KCNH5: variants seen among roughly 807,000 people sequenced by gnomAD.
The protein encoded by KCNH5 is potassium voltage-gated channel subfamily H member 5.
Under a neutral mutation model 96.1 loss-of-function variants are expected in KCNH5, and 46 were observed. The ratio of observed to expected loss-of-function variants is 0.48; its 90% CI spans 0.38 to 0.61. The LOEUF (loss-of-function observed/expected upper bound fraction) is 0.61. KCNH5 is among the 20% of genes least tolerant of loss of function. The pLI is 0.00. For missense variants in KCNH5, 907 were observed against 1,225.8 expected, an observed-to-expected ratio of 0.74 and a Z score of 3.88; for synonymous variants, 439 against 449.8, an observed-to-expected ratio of 0.98 and a Z score of 0.30.
intron 8 of KCNH5, among the ~76,000 whole-genome samples, chr14:62,837,020 C>A (rs187925676): frequency 6.6e-6 from 1 of 152,130 alleles, no homozygotes; most frequent in African/African-American, 2.4e-5. Flanking sequence ...GAGACTATAA[C>A]GCCTGCCACA....
intron 7 of KCNH5, among the ~76,000 whole-genome samples, chr14:62,898,504 A>T (rs1203070954): frequency 6.6e-6 from 1 of 152,210 alleles, no homozygotes; most frequent in Non-Finnish European, 1.5e-5. Context: ...ACAGACATGA[A>T]TTTAAATGTA....
chr14:62,817,089 A>G (rs1886995551), intron 8 of KCNH5, among the ~76,000 whole-genome samples: 1 of 136,736 alleles, frequency 7.3e-6, no homozygotes, highest in Non-Finnish European at 1.5e-5. Context: ...TATATATTAT[A>G]TATTATATAT....
intron 7 of KCNH5, among the ~76,000 whole-genome samples, chr14:62,857,760 A>G (rs2140053893): frequency 6.6e-6 from 1 of 152,216 alleles, no homozygotes; most frequent in African/African-American, 2.4e-5. Flanking sequence ...TTCCCAGTCC[A>G]CTGACTCAAA....
intron 6 of KCNH5, among the ~76,000 whole-genome samples, chr14:62,960,786 T>C (rs1890191892): frequency 6.6e-6 from 1 of 152,154 alleles, no homozygotes; most frequent in Non-Finnish European, 1.5e-5. Context: ...CCAAGAGCTC[T>C]ACGGGGAAAT....
At chr14:62,911,312 T>G (rs1456481645) in intron 7 of KCNH5, among the ~76,000 whole-genome samples, 2 of 150,366 alleles carry the variant, frequency 1.3e-5, no homozygotes, top group African/African-American at 4.9e-5. Flanking sequence ...GGAGTCTTGC[T>G]CTTTTACCCA....
Position 63,001,225 on chromosome 14 carries a change from A to C in KCNH5, c.433+106T>G, listed in dbSNP as rs988117035. 3.1e-5 allele frequency: 29 copies of C among 942,914 alleles called. No individual in the cohort carries two copies. In the African/African-American group the frequency reaches 4.6e-4, roughly 15 times the overall value. 58.4% of individuals were successfully genotyped at this position (942,914 alleles called of 1,614,324 possible). On this transcript the variant is annotated intron_variant, in intron 4 of 10. Coordinates refer to ENST00000322893, the MANE Select transcript of KCNH5 (RefSeq NM_139318.5). ...CAAGCAATGAAGCAAAAGAAAGGCC[A>C]CATAGTAGAATTTTGTTTTCCAGTT... is the stretch of plus-strand genomic sequence containing the variant.
At chr14:62,785,191 C>T (rs1455019694) in intron 9 of KCNH5, among the ~76,000 whole-genome samples, 2 of 152,134 alleles carry the variant, frequency 1.3e-5, no homozygotes, top group African/African-American at 4.8e-5. Flanking sequence ...GTTTCTGGGA[C>T]TATGGTCATC....
chr14:62,899,676 C>CAA (rs371600088), intron 7 of KCNH5, among the ~76,000 whole-genome samples: 1 of 150,358 alleles, frequency 6.7e-6, no homozygotes, highest in African/African-American at 2.4e-5. Context: ...ACTAAAAATA[C>CAA]AAAAAAAATT....
At chr14:62,807,362 G>A (rs1005255223) in intron 8 of KCNH5, among the ~76,000 whole-genome samples, 1 of 152,010 alleles carries the variant, frequency 6.6e-6, no homozygotes, top group Admixed American at 6.6e-5. Context: ...TTATATAAAA[G>A]AGCTCTAATT....
At chr14:62,776,865 G>A (rs1886108371) in intron 10 of KCNH5, among the ~76,000 whole-genome samples, 1 of 152,134 alleles carries the variant, frequency 6.6e-6, no homozygotes, top group East Asian at 1.9e-4. Context: ...CCTCCTTATT[G>A]CAGCCATGGA....
At position 62,707,970 on chromosome 14, in the gene KCNH5, C is replaced by T; in HGVS notation, c.2505G>A (p.Glu835=). The change falls in exon 11 of 11, where the codon GAG becomes GAA. Residue 835 remains glutamate (E), a synonymous_variant. Transcript: ENST00000322893. ...KEDWNNVTKA[E]SMGLLSEDPK... ...GGTCCTCAGACAATAGCCCCATTGA[C>T]TCAGCTTTAGTGACATTATTCCAGT... 6.2e-7 allele frequency: 1 copy of T among 1,614,210 alleles called. No homozygotes were observed. The highest frequency in any genetic ancestry group is 8.5e-7 in the Non-Finnish European group (1 of 1,180,048).
chr14:62,911,339 C>A (rs372317152), intron 7 of KCNH5, among the ~76,000 whole-genome samples: 3 of 146,588 alleles, frequency 2.0e-5, no homozygotes, highest in Non-Finnish European at 4.5e-5. Context: ...AGTGCAGTGG[C>A]GCAATCTCGG....
At chr14:62,951,671 A>G (rs1890008188) in intron 6 of KCNH5, among the ~76,000 whole-genome samples, 1 of 152,204 alleles carries the variant, frequency 6.6e-6, no homozygotes, top group East Asian at 1.9e-4. Flanking sequence ...GTTAAGAAGG[A>G]AACAGTTGGC....
intron 10 of KCNH5, among the ~76,000 whole-genome samples, chr14:62,718,862 C>A (rs1884744366): frequency 6.6e-6 from 1 of 152,134 alleles, no homozygotes; most frequent in African/African-American, 2.4e-5. Context: ...CAATGAAATA[C>A]TATTCAGCCG....
chr14:62,997,496 C>T (rs1256579546), intron 4 of KCNH5, among the ~76,000 whole-genome samples: 1 of 152,094 alleles, frequency 6.6e-6, no homozygotes, highest in Non-Finnish European at 1.5e-5. Context: ...TTGTGAATTA[C>T]ATTTTTATAT....
At chr14:62,805,258 G>A (rs1294143897) in intron 8 of KCNH5, among the ~76,000 whole-genome samples, 5 of 152,082 alleles carry the variant, frequency 3.3e-5, no homozygotes, top group Admixed American at 1.3e-4. Flanking sequence ...AAATGAAATA[G>A]TCCAGTATTT....
chr14:62,826,408 ATGTGTGTGTGTGTGTGTGTG>A (rs71451280), intron 8 of KCNH5, among the ~76,000 whole-genome samples: 1 of 141,984 alleles, frequency 7.0e-6, no homozygotes, highest in Non-Finnish European at 1.5e-5. Flanking sequence ...GCGTGCGTGC[ATGTGTGTGTGTGTGTGTGTG>A]TGTGTGTGTG....
At chr14:63,013,747 C>CT (rs1256794964) in intron 2 of KCNH5, among the ~76,000 whole-genome samples, 6 of 151,640 alleles carry the variant, frequency 4.0e-5, no homozygotes, top group East Asian at 3.9e-4. Flanking sequence ...TCATTTTAGG[C>CT]TTTTTTTTAC....
chr14:62,944,511 A>C (rs1838301013), intron 7 of KCNH5, among the ~76,000 whole-genome samples: 1 of 151,888 alleles, frequency 6.6e-6, no homozygotes, highest in African/African-American at 2.4e-5. Context: ...ACACACACAC[A>C]CCGCTAAATC....
Sources: allele counts gnomAD v4.1 joint callset (sites outside exome capture counted in the v4.1 genomes callset), GRCh38; gene constraint gnomAD v4.1.1; transcripts MANE v1.5; gene names NCBI Gene and HGNC (gene_info 2026-07-23, HGNC 2026-07-21).